MAX: variants seen among roughly 807,000 people sequenced by gnomAD.
MAX encodes the protein protein max.
In MAX, 3 loss-of-function variants were observed where a neutral mutation model predicts 22.3. That is an observed-to-expected ratio of 0.13 (90% CI 0.06 to 0.35). MAX has a LOEUF of 0.35. Among genes scored for constraint, MAX ranks in the 10% least tolerant of loss-of-function variants. The pLI, the probability that MAX is intolerant of heterozygous loss-of-function variation, is 1.00. For synonymous variants in MAX, 72 were observed against 77.7 expected (o/e 0.93, Z 0.39); for missense variants, 119 against 209.4 (o/e 0.57, Z 2.66).
At position 65,037,403 on chromosome 14, in the gene MAX, C is replaced by CT. The variant is rs1555335876; in HGVS notation, c.172-31120dup. Among the ~76,000 whole-genome samples the CT allele has an allele frequency of 1.3e-3, 40 of 29,686 alleles. 2 individuals are homozygous for CT. Among genetic ancestry groups the CT allele is most frequent in the Non-Finnish European group, 2.6e-3 (35 of 13,700 alleles). The allele number at this position is 29,686 out of a possible 152,430, so 19.5% of individuals were successfully genotyped here. ...TAGGCGTGAGCCACCACGCCGGGCC[C>CT]TTTTTTTTTTTTTTTTTTTTTTTTT... On this transcript the variant is annotated intron_variant, in intron 3 of 3. Transcript: ENST00000341653.
intron 3 of MAX, chr14:65,061,543 G>A (rs770318505): frequency 8.4e-5 from 50 of 595,148 alleles, no homozygotes; most frequent in Non-Finnish European, 1.3e-4. Flanking sequence ...ATCAGCCCAC[G>A]TGGTGTGGTT....
At chr14:65,101,479 C>A in intron 2 of MAX, 67 bp downstream of exon 2, 1 of 1,366,830 alleles carries the variant, frequency 7.3e-7, no homozygotes. Context: ...ATCTCTTTTT[C>A]TCTCTGACCC....
At position 65,044,045 on chromosome 14, in the gene MAX, T is replaced by TTCC. The variant is rs2062420070; in HGVS notation, c.172-37762_172-37761insGGA. ...TTATCTTCTCAGCACTGGCACTGCT[T>TTCC]TGGAACCCAGGAAAAGGTAGTTGTC... On this transcript the variant is annotated intron_variant, in intron 3 of 3. Transcript: ENST00000341653. This position sits in a 1 kb window ranked among gnomAD's most constrained non-coding sequence, Gnocchi z 5.5. Among the ~76,000 whole-genome samples the TTCC allele has an allele frequency of 6.6e-6, 1 of 152,042 alleles. No individual in the cohort carries two copies. The highest frequency in any genetic ancestry group is 1.5e-5 in the Non-Finnish European group (1 of 68,006).
At position 65,027,622 on chromosome 14, in the gene MAX, CAG is replaced by C; in HGVS notation, c.172-21340_172-21339del. On this transcript the variant is annotated intron_variant, in intron 3 of 3. Transcript: ENST00000341653. The surrounding 1 kb of genome is among the most constrained non-coding windows in gnomAD (Gnocchi z 5.7). ...CAGGTACAGTGAAAGCCAGCAGTGA[CAG>C]AAACCTAGAGGAGTTCCCCGCCTGC... 1 of 1,614,086 alleles carries C rather than the reference CAG, an allele frequency of 6.2e-7. No homozygotes were observed. Among genetic ancestry groups the C allele is most frequent in the East Asian group, 2.2e-5 (1 of 44,878 alleles).
At chr14:65,068,967 A>G (rs541388396) in intron 3 of MAX, among the ~76,000 whole-genome samples, 20 of 152,280 alleles carry the variant, frequency 1.3e-4, no homozygotes, top group African/African-American at 4.3e-4. Flanking sequence ...GCAGGGTTCA[A>G]TGTCACAGCT....
chr14:65,040,893 C>A (rs1302894757), intron 3 of MAX: 1 of 1,613,878 alleles, frequency 6.2e-7, no homozygotes, highest in Non-Finnish European at 8.5e-7. Flanking sequence ...CAAGAGGGAA[C>A]GTTCCTTGAA....
intron 2 of MAX, among the ~76,000 whole-genome samples, chr14:65,096,546 C>G (rs1022254276): frequency 3.9e-5 from 6 of 152,120 alleles, no homozygotes; most frequent in Non-Finnish European, 1.5e-5. Context: ...ATCCCCACCC[C>G]CATTGGAGGA....
intron 3 of MAX, chr14:65,021,926 G>A (rs1272307669): frequency 1.1e-5 from 5 of 455,998 alleles, no homozygotes; most frequent in Middle Eastern, 3.3e-4. Flanking sequence ...GATTATAGGC[G>A]TGAGCCACTG....
chr14:65,044,024 C>T lies in MAX; in HGVS notation c.172-37740G>A, dbSNP rs1161087532. On this transcript the variant is annotated intron_variant, in intron 3 of 3. Coordinates refer to the MAX transcript ENST00000341653. This position sits in a 1 kb window ranked among gnomAD's most constrained non-coding sequence, Gnocchi z 5.5. ...TTACAAACCAGCTTGGCCTCTTTAT[C>T]TTCTCAGCACTGGCACTGCTTTGGA... 6.6e-6 allele frequency among the ~76,000 whole-genome samples: 1 copy of T among 152,144 alleles called. No individual in the cohort carries two copies. Among genetic ancestry groups the T allele is most frequent in the Non-Finnish European group, 1.5e-5 (1 of 68,018 alleles).
chr14:65,061,436 T>C, intron 3 of MAX: 1 of 1,426,268 alleles, frequency 7.0e-7, no homozygotes, highest in Non-Finnish European at 9.3e-7. Flanking sequence ...GTGGTTCTCT[T>C]GGTACTTTCT....
intron 3 of MAX, among the ~76,000 whole-genome samples, chr14:65,065,587 G>C (rs569245604): frequency 1.4e-4 from 21 of 152,288 alleles, no homozygotes; most frequent in Middle Eastern, 3.4e-3. Context: ...GAACACAGTG[G>C]TAAGTATTTG....
Position 65,032,721 on chromosome 14 carries a change from G to A in MAX, c.172-26437C>T, listed in dbSNP as rs2062110171. The stretch of plus-strand genomic sequence containing the variant: ...GGTGAGAGAAGCCAGGGTTTCTCCT[G>A]GCCTCTTGGAGAGCAGGCGGTCACG... On this transcript the variant is annotated intron_variant, in intron 3 of 3. Coordinates refer to the MAX transcript ENST00000341653. The surrounding 1 kb of genome is among the most constrained non-coding windows in gnomAD (Gnocchi z 5.0). 6.2e-7 allele frequency: 1 copy of A among 1,608,822 alleles called. No individual in the cohort carries two copies. The highest frequency in any genetic ancestry group is 1.7e-5 in the Admixed American group (1 of 59,134).
intron 3 of MAX, among the ~76,000 whole-genome samples, chr14:65,059,694 G>A (rs567826572): frequency 7.9e-5 from 12 of 152,086 alleles, no homozygotes; most frequent in East Asian, 1.9e-4. Flanking sequence ...GGATTATGCC[G>A]TGTCAAATCT....
chr14:65,015,696 C>A, intron 3 of MAX: 3 of 1,614,110 alleles, frequency 1.9e-6, no homozygotes, highest in Non-Finnish European at 1.7e-6. Context: ...ATGAACCCAT[C>A]CCCCAGATAG....
At chr14:65,102,620 A>G (rs961599243), upstream of MAX, 5 of 1,262,896 alleles carry the variant, frequency 4.0e-6, no homozygotes, top group African/African-American at 1.5e-5. Context: ...TGTCCCTCTA[A>G]CAGACGGCCC....
At chr14:65,057,135 A>T (rs1365446731) in intron 3 of MAX, among the ~76,000 whole-genome samples, 4 of 152,262 alleles carry the variant, frequency 2.6e-5, no homozygotes, top group Non-Finnish European at 4.4e-5. Flanking sequence ...TCCACCCCTC[A>T]AACCCAAACA....
At position 65,011,986 on chromosome 14, in the gene MAX, G is replaced by A. The variant is rs1000464956; in HGVS notation, c.172-5702C>T. ...ACAAAGATATCTGTTCTTAGATGCT[G>A]GAGGAAGTTTCTGGGTGGACTGTCA... On this transcript the variant is annotated intron_variant, in intron 3 of 3. Coordinates refer to the MAX transcript ENST00000341653. This position sits in a 1 kb window ranked among gnomAD's most constrained non-coding sequence, Gnocchi z 4.0. Among the ~76,000 whole-genome samples the A allele has an allele frequency of 4.6e-5, 7 of 152,180 alleles. No individual in the cohort carries two copies. Among genetic ancestry groups the A allele is most frequent in the Non-Finnish European group, 8.8e-5 (6 of 68,032 alleles).
In MAX at chr14:65,076,287, G is replaced by A. The variant is rs2063052845; in HGVS notation, c.*189C>T. 2.7e-6 allele frequency: 4 copies of A among 1,455,356 alleles called. No individual in the cohort carries two copies. The highest frequency in any genetic ancestry group is 3.6e-6 in the Non-Finnish European group (4 of 1,110,468). The allele number at this position is 1,455,356 out of a possible 1,614,324, so 90.2% of individuals were successfully genotyped here. ...GGGAATACATTAAAAAATATACAGT[G>A]GAAATGGGGAAGGAGAACGAGAGCT... On this transcript the variant is annotated 3_prime_UTR_variant, in exon 5 of 5. Transcript: ENST00000358664. This position sits in a 1 kb window ranked among gnomAD's most constrained non-coding sequence, Gnocchi z 6.6.
In MAX at chr14:65,076,782, A is replaced by C; in HGVS notation, c.296-119T>G. The C allele has an allele frequency of 1.7e-6, 2 of 1,187,598 alleles. No individual in the cohort carries two copies. Among genetic ancestry groups the C allele is most frequent in the South Asian group, 2.5e-5 (2 of 80,722 alleles). The allele number at this position is 1,187,598 out of a possible 1,614,324, so 73.6% of individuals were successfully genotyped here. A position where few individuals can be genotyped will look rare whatever the true frequency, so the allele number is the denominator to read the frequency against. On this transcript the variant is annotated intron_variant, in intron 4 of 4. Transcript: ENST00000358664. This position sits in a 1 kb window ranked among gnomAD's most constrained non-coding sequence, Gnocchi z 6.6. ...GCTTGCTTGTTGGCCCCCGAGGCTCAAGATGCTCAGAAGTAGCTCCCTTCG... is the reference window on the plus strand; with the variant it reads ...GCTTGCTTGTTGGCCCCCGAGGCTCCAGATGCTCAGAAGTAGCTCCCTTCG...
Sources: allele counts gnomAD v4.1 joint callset (sites outside exome capture counted in the v4.1 genomes callset), GRCh38; gene constraint gnomAD v4.1.1; non-coding constraint Gnocchi (gnomAD v3.1); transcripts MANE v1.5; gene names NCBI Gene and HGNC (gene_info 2026-07-23, HGNC 2026-07-21).